Variants in EML4 observed in about 807,000 individuals in gnomAD.
The protein encoded by EML4 is EMAP like 4, also known as echinoderm microtubule-associated protein-like 4.
EML4 carries 72 observed loss-of-function variants against 129.0 expected under a neutral mutation model. That is an observed-to-expected ratio of 0.56 (90% CI 0.46 to 0.68). EML4 has a LOEUF of 0.68. Ranked by LOEUF, EML4 falls within the 30% of genes least tolerant of loss-of-function variation. The pLI is 0.00. For synonymous variants in EML4, 532 were observed against 405.0 expected (o/e 1.31, Z -3.77); for missense variants, 1,363 against 1,190.6 (o/e 1.14, Z -2.13).
chr2:42,269,751 T>C (rs1467421482), intron 6 of EML4, among the ~76,000 whole-genome samples: 1 of 152,202 alleles, frequency 6.6e-6, no homozygotes, highest in Non-Finnish European at 1.5e-5. Context: ...TCTTGCTCTA[T>C]TAAGGAATAG....
intron 6 of EML4, among the ~76,000 whole-genome samples, chr2:42,276,005 C>G (rs1023504023): frequency 6.6e-6 from 1 of 152,022 alleles, no homozygotes; most frequent in Non-Finnish European, 1.5e-5. Flanking sequence ...ATAATACATA[C>G]TGACTATAAG....
intron 2 of EML4, among the ~76,000 whole-genome samples, chr2:42,253,015 T>A (rs1675882422): frequency 6.6e-6 from 1 of 152,168 alleles, no homozygotes; most frequent in Admixed American, 6.5e-5. Context: ...TTATAATTGG[T>A]CCTGAGTAAA....
At chr2:42,253,491 A>G (rs1214799177) in intron 2 of EML4, among the ~76,000 whole-genome samples, 3 of 152,214 alleles carry the variant, frequency 2.0e-5, no homozygotes, top group Non-Finnish European at 4.4e-5. Context: ...AAATTTAAAG[A>G]TACATAGCAT....
At chr2:42,264,345 T>G (rs1167754461) in intron 5 of EML4, among the ~76,000 whole-genome samples, 1 of 151,980 alleles carries the variant, frequency 6.6e-6, no homozygotes, top group Non-Finnish European at 1.5e-5. Flanking sequence ...CTTAAACTCC[T>G]GGGCTCAAAC....
intron 1 of EML4, among the ~76,000 whole-genome samples, chr2:42,228,432 T>C (rs1481735993): frequency 6.6e-6 from 1 of 152,194 alleles, no homozygotes; most frequent in Non-Finnish European, 1.5e-5. Flanking sequence ...CTCTGCCTTC[T>C]TTTTTATTTG....
chr2:42,210,606 A>C (rs1425574669), intron 1 of EML4, among the ~76,000 whole-genome samples: 1 of 152,116 alleles, frequency 6.6e-6, no homozygotes, highest in East Asian at 1.9e-4. Flanking sequence ...GTATATTTAC[A>C]TTTATTTAGA....
Position 42,280,993 on chromosome 2 carries a change from C to G in EML4, c.791+20C>G, listed in dbSNP as rs182223491. On this transcript the variant is annotated intron_variant, in intron 7 of 22. Transcript: ENST00000318522. Reference sequence around the variant, plus strand: ...GTGGGCGTATCCTTCTCTACCATGACAGCAAATTCATTTGCTTTGTCTCTA... The same window carrying G: ...GTGGGCGTATCCTTCTCTACCATGAGAGCAAATTCATTTGCTTTGTCTCTA... 311 of 1,543,436 alleles carry G rather than the reference C, an allele frequency of 2.0e-4. 1 individual carries two copies. The East Asian group carries it at 5.1e-3, about 26-fold the overall frequency.
At chr2:42,229,085 C>G (rs1221457388) in intron 1 of EML4, among the ~76,000 whole-genome samples, 2 of 151,960 alleles carry the variant, frequency 1.3e-5, no homozygotes, top group Non-Finnish European at 2.9e-5. Context: ...CCCTAGGTAC[C>G]TGACTGCAAA....
At chr2:42,267,287 G>T (rs1421023503) in intron 6 of EML4, among the ~76,000 whole-genome samples, 7 of 152,208 alleles carry the variant, frequency 4.6e-5, no homozygotes, top group Non-Finnish European at 1.0e-4. Flanking sequence ...CAGATGAAAA[G>T]ATAATTATTA....
chr2:42,281,064 C>CAAA, intron 7 of EML4, 91 bp downstream of exon 7: 5 of 817,300 alleles, frequency 6.1e-6, no homozygotes, highest in South Asian at 2.9e-5. Flanking sequence ...TGTCTTTATA[C>CAAA]AAAAAAAAAA....
chr2:42,180,342 T>C (rs748755540), intron 1 of EML4, among the ~76,000 whole-genome samples: 11 of 152,208 alleles, frequency 7.2e-5, no homozygotes, highest in Non-Finnish European at 1.3e-4. Context: ...CATATTTTGT[T>C]TGGCCCTTTT....
intron 1 of EML4, among the ~76,000 whole-genome samples, chr2:42,242,003 G>A (rs1675070392): frequency 6.6e-6 from 1 of 152,112 alleles, no homozygotes; most frequent in Non-Finnish European, 1.5e-5. Context: ...GGTTTGGTAG[G>A]AATTTTACAA....
At chr2:42,247,332 A>G (rs1220987971) in intron 2 of EML4, among the ~76,000 whole-genome samples, 1 of 152,198 alleles carries the variant, frequency 6.6e-6, no homozygotes, top group Non-Finnish European at 1.5e-5. Flanking sequence ...GCATGTTTGA[A>G]ATGGTTAAAG....
At chr2:42,178,012 T>A (rs898311859) in intron 1 of EML4, among the ~76,000 whole-genome samples, 1 of 152,192 alleles carries the variant, frequency 6.6e-6, no homozygotes, top group African/African-American at 2.4e-5. Context: ...GGTGGAAAGG[T>A]TGACATACAT....
At chr2:42,175,925 T>C (rs1670575488) in intron 1 of EML4, among the ~76,000 whole-genome samples, 1 of 152,224 alleles carries the variant, frequency 6.6e-6, no homozygotes, top group Non-Finnish European at 1.5e-5. Flanking sequence ...TTTCCTATGC[T>C]TAGTTTTTTA....
intron 14 of EML4, among the ~76,000 whole-genome samples, chr2:42,302,377 A>G (rs1164843702): frequency 1.3e-5 from 2 of 152,126 alleles, no homozygotes; most frequent in African/African-American, 2.4e-5. Flanking sequence ...CCTTACAACA[A>G]TCAAGAGTGG....
chr2:42,211,365 G>C (rs186097384), intron 1 of EML4, among the ~76,000 whole-genome samples: 4 of 152,302 alleles, frequency 2.6e-5, no homozygotes, highest in African/African-American at 7.2e-5. Context: ...TAAACCCATC[G>C]TAGATCCTGA....
At chr2:42,289,800 A>C (rs1175015916) in intron 11 of EML4, 1 of 151,060 alleles carries the variant, frequency 6.6e-6, no homozygotes, top group East Asian at 2.0e-4. Flanking sequence ...AGGGGTAGTC[A>C]CTCACACCTG....
At chr2:42,237,356 T>C (rs1674743291) in intron 1 of EML4, among the ~76,000 whole-genome samples, 1 of 152,254 alleles carries the variant, frequency 6.6e-6, no homozygotes, top group African/African-American at 2.4e-5. Flanking sequence ...TAGTTAAGTA[T>C]CAGTATTTTA....
Sources: allele counts gnomAD v4.1 joint callset (sites outside exome capture counted in the v4.1 genomes callset), GRCh38; gene constraint gnomAD v4.1.1; transcripts MANE v1.5; gene names NCBI Gene and HGNC (gene_info 2026-07-23, HGNC 2026-07-21).